IL1RAPL2: variants seen among roughly 807,000 people sequenced by gnomAD.
IL1RAPL2 encodes interleukin 1 receptor accessory protein like 2, also known as X-linked interleukin-1 receptor accessory protein-like 2.
In IL1RAPL2, 3 loss-of-function variants were observed where a neutral mutation model predicts 44.1. That is an observed-to-expected ratio of 0.07 (90% confidence interval 0.03 to 0.18). The LOEUF is 0.18. Among genes scored for constraint, IL1RAPL2 ranks in the 10% least tolerant of loss-of-function variants. The pLI, the probability that IL1RAPL2 is intolerant of heterozygous loss-of-function variation, is 1.00. For missense variants in IL1RAPL2, 391 were observed against 496.4 expected (o/e 0.79, Z 2.02); for synonymous variants, 181 against 178.8 (o/e 1.01, Z -0.10).
At position 105,131,070 on chromosome X, in the gene IL1RAPL2, G is replaced by T. The variant is rs1340238663; in HGVS notation, c.83-64405G>T. 6.3e-5 allele frequency among the ~76,000 whole-genome samples: 7 copies of T among 111,152 alleles called. No individual in the cohort carries two copies. In the Admixed American group the frequency reaches 6.7e-4, roughly 11 times the overall value. On this transcript the variant is annotated intron_variant, in intron 2 of 10. Transcript: ENST00000372582. Reference sequence around the variant, plus strand: ...GTAGTGTAACTAAATTTACACAGGGGATTAGTGGCAGAGCTGGAACTCAAA... The same window carrying T: ...GTAGTGTAACTAAATTTACACAGGGTATTAGTGGCAGAGCTGGAACTCAAA...
chrX:104,907,363 C>A (rs1924050101), intron 2 of IL1RAPL2, among the ~76,000 whole-genome samples: 2 of 110,740 alleles, frequency 1.8e-5, no homozygotes, highest in Admixed American at 1.9e-4. Context: ...TGTGTTTGCT[C>A]TTGCTTTTCT....
chrX:105,310,990 G>T (rs890474949), intron 5 of IL1RAPL2, among the ~76,000 whole-genome samples: 1 of 111,552 alleles, frequency 9.0e-6, no homozygotes, highest in East Asian at 2.8e-4. Context: ...GTATTTTGAA[G>T]ATTTTTTATT....
At chrX:104,636,319 A>T (rs1929804660) in intron 1 of IL1RAPL2, among the ~76,000 whole-genome samples, 1 of 112,223 alleles carries the variant, frequency 8.9e-6, no homozygotes, top group Admixed American at 9.4e-5. Flanking sequence ...CAGTCTGTCC[A>T]TTCTTAGATC....
intron 3 of IL1RAPL2, 28 bp downstream of exon 3, chrX:105,195,776 A>G (rs1334353663): frequency 2.5e-6 from 3 of 1,192,624 alleles, no homozygotes; most frequent in Admixed American, 2.2e-5. Flanking sequence ...ACATTGCCCA[A>G]TCACATGGCT....
intron 4 of IL1RAPL2, among the ~76,000 whole-genome samples, chrX:105,243,297 G>GCT (rs1272331472): frequency 1.5e-4 from 16 of 108,345 alleles, no homozygotes; most frequent in East Asian, 2.9e-4. Flanking sequence ...GCACTTCCTT[G>GCT]CTCTCTCTCT....
At chrX:104,570,413 A>C (rs1881967832) in intron 1 of IL1RAPL2, among the ~76,000 whole-genome samples, 1 of 112,159 alleles carries the variant, frequency 8.9e-6, no homozygotes, top group South Asian at 3.8e-4. Context: ...CAGGCTGGGC[A>C]TGGTGGCTCA....
chrX:105,249,778 T>TA, intron 4 of IL1RAPL2, among the ~76,000 whole-genome samples: 1 of 111,774 alleles, frequency 8.9e-6, no homozygotes, highest in Middle Eastern at 4.6e-3. Flanking sequence ...CAGCCACTTT[T>TA]AAAAAACAGT....
intron 5 of IL1RAPL2, among the ~76,000 whole-genome samples, chrX:105,480,494 T>G (rs1329692344): frequency 8.9e-6 from 1 of 111,921 alleles, no homozygotes; most frequent in Non-Finnish European, 1.9e-5. Flanking sequence ...GAAAGTGCAT[T>G]GGTGAAATTG....
chrX:105,409,807 T>TATAGACAGATAG (rs1556311253), intron 5 of IL1RAPL2, among the ~76,000 whole-genome samples: 1 of 89,418 alleles, frequency 1.1e-5, no homozygotes, highest in Non-Finnish European at 2.1e-5. Context: ...GGCTTTGATT[T>TATAGACAGATAG]ATAGATAGAT....
intron 1 of IL1RAPL2, among the ~76,000 whole-genome samples, chrX:104,594,529 T>C (rs965277736): frequency 1.8e-5 from 2 of 111,911 alleles, no homozygotes; most frequent in African/African-American, 6.5e-5. Flanking sequence ...ATTCAATCAA[T>C]AAATATTTAT....
intron 5 of IL1RAPL2, among the ~76,000 whole-genome samples, chrX:105,476,741 G>T (rs572011641): frequency 1.8e-5 from 2 of 112,296 alleles, no homozygotes; most frequent in Non-Finnish European, 3.8e-5. Context: ...GATTATTAAT[G>T]AACATTGATT....
intron 2 of IL1RAPL2, among the ~76,000 whole-genome samples, chrX:105,156,966 G>C (rs185218907): frequency 3.6e-5 from 4 of 110,342 alleles, no homozygotes; most frequent in Non-Finnish European, 5.7e-5. Flanking sequence ...TCCAATGCCA[G>C]ATCTGCCCTT....
intron 2 of IL1RAPL2, among the ~76,000 whole-genome samples, chrX:104,844,391 A>T (rs1921989360): frequency 9.0e-6 from 1 of 111,448 alleles, no homozygotes; most frequent in African/African-American, 3.3e-5. Context: ...AGTAGCTATG[A>T]TTAAATGATA....
At chrX:105,594,939 G>T (rs1392383716) in intron 6 of IL1RAPL2, among the ~76,000 whole-genome samples, 1 of 111,455 alleles carries the variant, frequency 9.0e-6, no homozygotes, top group Non-Finnish European at 1.9e-5. Flanking sequence ...AGGGTACTAT[G>T]CTCACTACCT....
chrX:104,647,786 C>G (rs1419404422), intron 1 of IL1RAPL2: 1 of 533,562 alleles, frequency 1.9e-6, no homozygotes, highest in African/African-American at 2.3e-5. Context: ...ATTAAGTGGT[C>G]GAGAATGGCA....
intron 2 of IL1RAPL2, among the ~76,000 whole-genome samples, chrX:104,828,392 G>A (rs1921515958): frequency 8.9e-6 from 1 of 112,035 alleles, no homozygotes; most frequent in African/African-American, 3.2e-5. Context: ...CTCCTCTTCT[G>A]CAAGTCTGCT....
intron 1 of IL1RAPL2, among the ~76,000 whole-genome samples, chrX:104,588,139 A>C (rs1297038061): frequency 8.9e-6 from 1 of 111,866 alleles, no homozygotes; most frequent in Non-Finnish European, 1.9e-5. Context: ...CTTTTCATTC[A>C]GTAATTTTCT....
chrX:104,618,224 G>A (rs1300562802), intron 1 of IL1RAPL2, among the ~76,000 whole-genome samples: 3 of 111,818 alleles, frequency 2.7e-5, no homozygotes, highest in Non-Finnish European at 5.6e-5. Context: ...GGCCAATGCA[G>A]TGGGGTATGT....
At chrX:105,694,776 A>G (rs753659805) in intron 6 of IL1RAPL2, among the ~76,000 whole-genome samples, 5 of 111,863 alleles carry the variant, frequency 4.5e-5, no homozygotes, top group Non-Finnish European at 9.4e-5. Flanking sequence ...CAGCTAATAT[A>G]GAAAAATCAA....
Sources: allele counts gnomAD v4.1 joint callset (sites outside exome capture counted in the v4.1 genomes callset), GRCh38; gene constraint gnomAD v4.1.1; transcripts MANE v1.5; gene names NCBI Gene and HGNC (gene_info 2026-07-23, HGNC 2026-07-21).